Variants in JHY observed in about 807,000 individuals in gnomAD.
JHY encodes junctional cadherin complex regulator.
JHY carries 69 observed loss-of-function variants against 78.0 expected under a neutral mutation model. The ratio of observed to expected loss-of-function variants is 0.88; its 90% CI spans 0.73 to 1.08. The LOEUF is 1.08. JHY is among the 50% of genes least tolerant of loss of function. The probability of loss-of-function intolerance (pLI) is 0.00; values close to 1 mark genes in which losing one functional copy is unlikely to be tolerated. For missense variants in JHY, 944 were observed against 927.8 expected, an observed-to-expected ratio of 1.02 and a Z score of -0.23; for synonymous variants, 368 against 342.6, an observed-to-expected ratio of 1.07 and a Z score of -0.82.
chr11:122,928,591 A>C (rs1863565781), intron 4 of JHY, among the ~76,000 whole-genome samples: 1 of 151,798 alleles, frequency 6.6e-6, no homozygotes, highest in Admixed American at 6.6e-5. Context: ...AACAACAAAA[A>C]TTCTTTAAAA....
intron 3 of JHY, among the ~76,000 whole-genome samples, chr11:122,919,355 A>G (rs1395208001): frequency 7.8e-6 from 1 of 128,592 alleles, no homozygotes; most frequent in African/African-American, 3.7e-5. Context: ...TCTGTCTCAA[A>G]AAAAAAAAAA....
chr11:122,923,710 T>TTTA (rs987111458), intron 3 of JHY, among the ~76,000 whole-genome samples: 1 of 127,284 alleles, frequency 7.9e-6, no homozygotes, highest in African/African-American at 4.0e-5. Flanking sequence ...TATTTATTTA[T>TTTA]CTATTTATAT....
intron 3 of JHY, among the ~76,000 whole-genome samples, chr11:122,907,384 CTGAAAAGGCTG>C (rs1201876659): frequency 6.6e-6 from 1 of 151,930 alleles, no homozygotes; most frequent in East Asian, 1.9e-4. Flanking sequence ...GCCTAAGACA[CTGAAAAGGCTG>C]AGTAAACATA....
At chr11:122,920,407 C>T (rs993481207) in intron 3 of JHY, among the ~76,000 whole-genome samples, 1 of 152,144 alleles carries the variant, frequency 6.6e-6, no homozygotes, top group African/African-American at 2.4e-5. Context: ...AACATCTAAA[C>T]ATAAGGTCAG....
chr11:122,920,791 G>T (rs746112606), intron 3 of JHY, among the ~76,000 whole-genome samples: 1 of 152,158 alleles, frequency 6.6e-6, no homozygotes, highest in African/African-American at 2.4e-5. Context: ...GATTGCCTGC[G>T]CTTCAACAAT....
chr11:122,958,651 G>C (rs905126464), intron 8 of JHY: 1 of 853,290 alleles, frequency 1.2e-6, no homozygotes, highest in Non-Finnish European at 1.4e-6. Flanking sequence ...GCAGGTTTAG[G>C]AATCATATTT....
Position 122,924,930 on chromosome 11 carries a change from T to A in JHY, c.898T>A (p.Ser300Thr). ...SYPVRVTDKT[S>T]IQNAKEMENA... Reference sequence around the variant, plus strand: ...CCCCGTCAGAGTAACAGACAAGACGTCTATTCAGAATGCCAAGGAAATGGA... The same window carrying A: ...CCCCGTCAGAGTAACAGACAAGACGACTATTCAGAATGCCAAGGAAATGGA... Residue 300 changes from serine (S) to threonine (T), a missense_variant, in exon 4 of 9, where the codon TCT becomes ACT. Coordinates refer to ENST00000227349, the MANE Select transcript of JHY (RefSeq NM_024806.4). The A allele has an allele frequency of 3.7e-6, 6 of 1,614,048 alleles. No individual in the cohort carries two copies. The highest frequency in any genetic ancestry group is 5.1e-6 in the Non-Finnish European group (6 of 1,179,952).
chr11:122,932,615 T>C (rs559293621), intron 4 of JHY, among the ~76,000 whole-genome samples: 10 of 152,332 alleles, frequency 6.6e-5, no homozygotes, highest in African/African-American at 2.4e-4. Context: ...ATTATCAGCA[T>C]CAATTAATAC....
At chr11:122,937,320 T>C (rs1225431623) in intron 5 of JHY, among the ~76,000 whole-genome samples, 1 of 151,702 alleles carries the variant, frequency 6.6e-6, no homozygotes, top group Non-Finnish European at 1.5e-5. Flanking sequence ...TACATATAGC[T>C]AATTGATCCT....
intron 4 of JHY, among the ~76,000 whole-genome samples, chr11:122,931,474 CAG>C (rs1863634643): frequency 6.6e-6 from 1 of 152,186 alleles, no homozygotes; most frequent in African/African-American, 2.4e-5. Context: ...CATCTGAACA[CAG>C]AGTTCTTCCT....
chr11:122,935,921 T>G lies in JHY; in HGVS notation c.1634+846T>G, dbSNP rs907447512. Among the ~76,000 whole-genome samples the G allele has an allele frequency of 1.3e-5, 2 of 152,176 alleles. No individual in the cohort carries two copies. Among genetic ancestry groups the G allele is most frequent in the Admixed American group, 1.3e-4 (2 of 15,270 alleles). ...GTACAAAATTACACCTTGGGTTGAA[T>G]GACACTGGTAGAAGAAAAAGTACAT... On this transcript the variant is annotated intron_variant, in intron 5 of 8. Coordinates refer to ENST00000227349, the MANE Select transcript of JHY (RefSeq NM_024806.4). This position sits in a 1 kb window ranked among gnomAD's most constrained non-coding sequence, Gnocchi z 4.5.
intron 2 of JHY, among the ~76,000 whole-genome samples, chr11:122,901,598 G>T (rs548596850): frequency 6.6e-6 from 1 of 151,748 alleles, no homozygotes; most frequent in Non-Finnish European, 1.5e-5. Flanking sequence ...TTTTGGCTGG[G>T]CGCGGTGGCT....
At chr11:122,906,281 G>C (rs1370085491) in intron 3 of JHY, among the ~76,000 whole-genome samples, 1 of 152,126 alleles carries the variant, frequency 6.6e-6, no homozygotes, top group Non-Finnish European at 1.5e-5. Flanking sequence ...TCGACCTCCT[G>C]GGCTCAAGCA....
In JHY at chr11:122,921,077, C is replaced by T. The variant is rs563440871; in HGVS notation, c.865-3820C>T. 2.6e-5 allele frequency among the ~76,000 whole-genome samples: 4 copies of T among 152,056 alleles called. No homozygotes were observed. In the South Asian group the frequency reaches 8.3e-4, roughly 32 times the overall value. On this transcript the variant is annotated intron_variant, in intron 3 of 8. Transcript: ENST00000227349. ...CTGGCAGAGGTTGTGTCCCATTCCA[C>T]TTTGAAAGAGATAATGTAGAAGTAT...
intron 5 of JHY, among the ~76,000 whole-genome samples, chr11:122,936,837 C>T (rs1194719871): frequency 6.6e-6 from 1 of 152,216 alleles, no homozygotes; most frequent in Admixed American, 6.5e-5. Flanking sequence ...CTGGCCTTGA[C>T]TGGGTGGATT....
chr11:122,905,224 G>A (rs891875241), intron 3 of JHY: 3 of 1,613,926 alleles, frequency 1.9e-6, no homozygotes, highest in African/African-American at 1.3e-5. Context: ...ACCTTTTGGA[G>A]CCAGTAAACT....
At position 122,954,255 on chromosome 11, in the gene JHY, G is replaced by A. The variant is rs531562926; in HGVS notation, c.1930-2241G>A. The stretch of plus-strand genomic sequence containing the variant: ...CACATCCTTACCAAGAAAGGGAAGG[G>A]AAGGGGCTACCACAGCCTTAAAGCT... On this transcript the variant is annotated intron_variant, in intron 6 of 8. Coordinates refer to ENST00000227349, the MANE Select transcript of JHY (RefSeq NM_024806.4). Among the ~76,000 whole-genome samples, 7 of 152,330 alleles carry A rather than the reference G, an allele frequency of 4.6e-5. No individual in the cohort carries two copies. The South Asian group carries it at 1.2e-3, about 27-fold the overall frequency.
At chr11:122,894,671 C>T (rs751187976) in intron 2 of JHY, among the ~76,000 whole-genome samples, 16 of 152,144 alleles carry the variant, frequency 1.1e-4, no homozygotes, top group Non-Finnish European at 1.8e-4. Context: ...TTTCATTTAA[C>T]TCACAGATTG....
chr11:122,884,715 A>T (rs967452628), intron 1 of JHY, among the ~76,000 whole-genome samples: 4 of 152,318 alleles, frequency 2.6e-5, no homozygotes, highest in African/African-American at 9.6e-5. Flanking sequence ...CCAGGATAGC[A>T]TCCCGTTCGG....
Sources: gnomAD v4.1 joint callset for allele counts (sites outside exome capture counted in the v4.1 genomes callset) on GRCh38, gnomAD v4.1.1 for gene constraint, Gnocchi (gnomAD v3.1) non-coding constraint, MANE v1.5 for transcripts, NCBI Gene and HGNC (gene_info 2026-07-23, HGNC 2026-07-21) for gene names.